Variants in FBLN7 observed in about 807,000 individuals in gnomAD.
FBLN7 encodes fibulin-7.
A neutral mutation model predicts 44.0 loss-of-function variants in FBLN7; 31 were observed. The ratio of observed to expected loss-of-function variants is 0.70; its 90% confidence interval spans 0.53 to 0.95. The LOEUF (loss-of-function observed/expected upper bound fraction) is 0.95. Among genes scored for constraint, FBLN7 ranks in the 40% least tolerant of loss-of-function variants. The pLI is 0.00. For missense variants in FBLN7, 573 were observed against 618.5 expected, an observed-to-expected ratio of 0.93 and a Z score of 0.78; for synonymous variants, 262 against 253.4, an observed-to-expected ratio of 1.03 and a Z score of -0.32.
intron 4 of FBLN7, among the ~76,000 whole-genome samples, chr2:112,179,265 C>G (rs1209341729): frequency 6.6e-6 from 1 of 152,018 alleles, no homozygotes; most frequent in Non-Finnish European, 1.5e-5. Flanking sequence ...AATAAAATAC[C>G]TAGGAATACA....
At chr2:112,186,163 GA>G (rs938918896) in intron 7 of FBLN7, among the ~76,000 whole-genome samples, 22 of 152,160 alleles carry the variant, frequency 1.4e-4, no homozygotes, top group Non-Finnish European at 1.5e-5. Flanking sequence ...ACGGGTCTAT[GA>G]CGGCCTCTGG....
the FBLN7 span, among the ~76,000 whole-genome samples, chr2:112,228,331 G>A: frequency 6.6e-6 from 1 of 152,098 alleles, no homozygotes. Flanking sequence ...GTGAAAGCCT[G>A]TCTCTACTAA....
At chr2:112,183,478 T>G (rs551073281) in intron 6 of FBLN7, among the ~76,000 whole-genome samples, 1 of 152,278 alleles carries the variant, frequency 6.6e-6, no homozygotes, top group South Asian at 2.1e-4. Flanking sequence ...TACCCCTGGC[T>G]TGTGAGGTAC....
downstream of FBLN7, chr2:112,190,515 TG>T (rs967526601): frequency 6.6e-6 from 1 of 152,236 alleles, no homozygotes; most frequent in Non-Finnish European, 1.5e-5. Flanking sequence ...CAACATGCCC[TG>T]TGAGAGTTGT....
chr2:112,158,383 C>T (rs929807616), intron 1 of FBLN7, among the ~76,000 whole-genome samples: 3 of 152,178 alleles, frequency 2.0e-5, no homozygotes, highest in African/African-American at 4.8e-5. Context: ...GCTGGCACTA[C>T]AGGCATACAT....
chr2:112,241,134 T>C, the FBLN7 span, among the ~76,000 whole-genome samples: 34 of 152,004 alleles, frequency 2.2e-4, no homozygotes, highest in African/African-American at 8.2e-4. Flanking sequence ...GTGTGAGAAA[T>C]GGGGCTATAA....
intron 4 of FBLN7, chr2:112,176,387 A>T (rs2104593308): frequency 6.6e-6 from 1 of 152,618 alleles, no homozygotes; most frequent in South Asian, 2.1e-4. Flanking sequence ...ATCCAGTGAT[A>T]AGGAATCTGT....
At chr2:112,138,850 CCT>C in intron 1 of FBLN7, 120 bp downstream of exon 1, 6 of 1,217,992 alleles carry the variant, frequency 4.9e-6, no homozygotes, top group Non-Finnish European at 5.4e-6. Context: ...GTCCCTCCCG[CCT>C]CTCTCCCCTG....
rs1683300464 is a variant in FBLN7 at position 112,187,060 on chromosome 2, G to A, written c.948-74G>A. On this transcript the variant is annotated intron_variant, in intron 7 of 7. Coordinates refer to ENST00000331203, the MANE Select transcript of FBLN7 (RefSeq NM_153214.3). The surrounding 1 kb of genome is among the most constrained non-coding windows in gnomAD (Gnocchi z 5.1). ...AGGTGGCCTCTGCAAGAGGGCAGGTGGGCAGCCGGGTCAGAGCAGCTCTTC... is the reference window on the plus strand; with the variant it reads ...AGGTGGCCTCTGCAAGAGGGCAGGTAGGCAGCCGGGTCAGAGCAGCTCTTC... 1 of 1,550,376 alleles carries A rather than the reference G, an allele frequency of 6.5e-7. No individual in the cohort carries two copies. The highest frequency in any genetic ancestry group is 1.4e-5 in the African/African-American group (1 of 73,852).
the FBLN7 span, among the ~76,000 whole-genome samples, chr2:112,208,443 C>T: frequency 4.6e-4 from 70 of 152,196 alleles, 3 homozygotes; most frequent in South Asian, 0.014. Flanking sequence ...ACAAACCACA[C>T]ATAGTGGACT....
intron 2 of FBLN7, among the ~76,000 whole-genome samples, chr2:112,163,646 A>C (rs570837833): frequency 6.6e-6 from 1 of 152,210 alleles, no homozygotes; most frequent in South Asian, 2.1e-4. Flanking sequence ...CTCAGCTACT[A>C]CCCTGGCCTG....
At chr2:112,236,240 C>T in the FBLN7 span, among the ~76,000 whole-genome samples, 2 of 151,916 alleles carry the variant, frequency 1.3e-5, no homozygotes, top group Admixed American at 6.6e-5. Context: ...GGTTACAAGG[C>T]GAGACTCTGT....
Position 112,187,555 on chromosome 2 carries a change from C to T in FBLN7, c.*49C>T, listed in dbSNP as rs762105959. 1.1e-5 allele frequency: 17 copies of T among 1,586,910 alleles called. No individual in the cohort carries two copies. The highest frequency in any genetic ancestry group is 1.5e-5 in the Non-Finnish European group (17 of 1,163,802). ...TGGAGAGCTGACCTCATTTCTCTTC[C>T]CCGAAGGCTCAGCTTCGGGCACCGA... On this transcript the variant is annotated 3_prime_UTR_variant, in exon 8 of 8. Transcript: ENST00000331203. The surrounding 1 kb of genome is among the most constrained non-coding windows in gnomAD (Gnocchi z 5.1).
intron 1 of FBLN7, among the ~76,000 whole-genome samples, chr2:112,156,185 A>G (rs1412739958): frequency 1.3e-5 from 2 of 152,138 alleles, no homozygotes; most frequent in Admixed American, 6.5e-5. Flanking sequence ...GCTCAGTCCT[A>G]TCAATCCCTA....
At position 112,139,918 on chromosome 2, in the gene FBLN7, G is replaced by A. The variant is rs546666426; in HGVS notation, c.75+1188G>A. On this transcript the variant is annotated intron_variant, in intron 1 of 7. Coordinates refer to ENST00000331203, the MANE Select transcript of FBLN7 (RefSeq NM_153214.3). ...CCCGCCTCTCTCCCCTGTCCCGCGC[G>A]CCTCTCTCCATGCCAGTGTCCCTCC... Among the ~76,000 whole-genome samples the A allele has an allele frequency of 1.3e-3, 82 of 62,128 alleles. 2 individuals carry two copies. The highest frequency in any genetic ancestry group is 6.3e-3 in the African/African-American group (75 of 11,942). 40.8% of individuals were successfully genotyped at this position (62,128 alleles called of 152,430 possible). A position where few individuals can be genotyped will look rare whatever the true frequency, so the allele number is the denominator to read the frequency against.
chr2:112,189,082 TGA>T (rs1683397233), downstream of FBLN7: 1 of 152,076 alleles, frequency 6.6e-6, no homozygotes, highest in Non-Finnish European at 1.5e-5. Flanking sequence ...ACATCATATG[TGA>T]GATATGATGA....
chr2:112,229,495 A>T, the FBLN7 span, among the ~76,000 whole-genome samples: 2 of 152,208 alleles, frequency 1.3e-5, no homozygotes, highest in Admixed American at 6.5e-5. Flanking sequence ...TGCTGTAAAC[A>T]GGGCTTTGCC....
chr2:112,189,617 T>C (rs567986006), downstream of FBLN7: 1 of 152,332 alleles, frequency 6.6e-6, no homozygotes, highest in Admixed American at 6.5e-5. Context: ...TATAGTTTCA[T>C]ATTATTTGAG....
intron 7 of FBLN7, among the ~76,000 whole-genome samples, 171 bp from the exon 8 acceptor site, chr2:112,186,963 C>T (rs1285489426): frequency 1.3e-5 from 2 of 152,188 alleles, no homozygotes; most frequent in Non-Finnish European, 2.9e-5. Context: ...CCATGCCTGA[C>T]ACCAGCTACA....
Sources: gnomAD v4.1 joint callset for allele counts (sites outside exome capture counted in the v4.1 genomes callset) on GRCh38, gnomAD v4.1.1 for gene constraint, Gnocchi (gnomAD v3.1) non-coding constraint, MANE v1.5 for transcripts, NCBI Gene and HGNC (gene_info 2026-07-23, HGNC 2026-07-21) for gene names.